The following RARB variants were observed in gnomAD, a reference collection of about 807,000 sequenced individuals.
RARB encodes the protein HBV-activated protein.
Under a neutral mutation model 51.9 loss-of-function variants are expected in RARB, and 17 were observed. The ratio of observed to expected loss-of-function variants is 0.33; its 90% CI spans 0.22 to 0.49. The LOEUF is 0.49. RARB is among the 20% of genes least tolerant of loss of function. RARB has a pLI of 0.99. For missense variants in RARB, 369 were observed against 550.8 expected, an observed-to-expected ratio of 0.67 and a Z score of 3.30; for synonymous variants, 215 against 195.4, an observed-to-expected ratio of 1.10 and a Z score of -0.84.
At chr3:24,881,383 G>A (rs1423024102) in intron 2 of RARB, among the ~76,000 whole-genome samples, 1 of 152,138 alleles carries the variant, frequency 6.6e-6, no homozygotes, top group East Asian at 1.9e-4. Context: ...AATTAGCCTG[G>A]GGAGTCCAAG....
intron 5 of RARB, among the ~76,000 whole-genome samples, chr3:25,281,197 G>T (rs1004287351): frequency 6.6e-6 from 1 of 152,158 alleles, no homozygotes; most frequent in South Asian, 2.1e-4. Context: ...GAAAGTTAAG[G>T]CAAGCAAGAA....
intron 5 of RARB, among the ~76,000 whole-genome samples, chr3:25,205,894 C>T (rs1701531230): frequency 6.6e-6 from 1 of 152,066 alleles, no homozygotes; most frequent in African/African-American, 2.4e-5. Flanking sequence ...CAGGCATGAG[C>T]CATCATGCCC....
chr3:24,889,098 G>T (rs144042825), intron 2 of RARB, among the ~76,000 whole-genome samples: 1 of 152,142 alleles, frequency 6.6e-6, no homozygotes, highest in Non-Finnish European at 1.5e-5. Flanking sequence ...TCCCCTGTGA[G>T]GACTCACTAC....
At chr3:24,867,590 C>A (rs893724672) in intron 2 of RARB, among the ~76,000 whole-genome samples, 2 of 152,152 alleles carry the variant, frequency 1.3e-5, no homozygotes, top group African/African-American at 2.4e-5. Context: ...AATTACTTAC[C>A]CTTCTGTAGG....
At chr3:25,404,749 G>A (rs1038936468) in intron 5 of RARB, among the ~76,000 whole-genome samples, 1 of 152,184 alleles carries the variant, frequency 6.6e-6, no homozygotes, top group African/African-American at 2.4e-5. Context: ...GATGTAGTTA[G>A]ACTCACATTG....
chr3:25,174,860 A>G (rs887800006), intron 5 of RARB, among the ~76,000 whole-genome samples: 5 of 152,250 alleles, frequency 3.3e-5, no homozygotes, highest in African/African-American at 1.2e-4. Context: ...TCTGTGATCA[A>G]TATCTAAAGA....
chr3:24,893,404 T>A (rs1181145487), intron 2 of RARB, among the ~76,000 whole-genome samples: 1 of 152,146 alleles, frequency 6.6e-6, no homozygotes, highest in Non-Finnish European at 1.5e-5. Context: ...CAGCTTTAAT[T>A]TTTTTTTGCC....
At chr3:25,091,736 T>G (rs1699203030) in intron 3 of RARB, among the ~76,000 whole-genome samples, 1 of 152,102 alleles carries the variant, frequency 6.6e-6, no homozygotes, top group Non-Finnish European at 1.5e-5. Context: ...AATGTGAACA[T>G]CTGTATAAAA....
At chr3:25,289,297 A>G (rs1575286533) in intron 5 of RARB, among the ~76,000 whole-genome samples, 1 of 152,206 alleles carries the variant, frequency 6.6e-6, no homozygotes, top group East Asian at 1.9e-4. Flanking sequence ...TAAAGCACTG[A>G]GCACAATGGT....
chr3:25,530,189 G>T (rs1300060834), intron 3 of RARB, among the ~76,000 whole-genome samples: 4 of 152,188 alleles, frequency 2.6e-5, no homozygotes, highest in Non-Finnish European at 2.9e-5. Context: ...AGTTCAGAAG[G>T]ACTTGTGAAG....
chr3:25,103,949 C>G (rs1699451805), intron 3 of RARB, among the ~76,000 whole-genome samples: 1 of 152,136 alleles, frequency 6.6e-6, no homozygotes, highest in African/African-American at 2.4e-5. Context: ...GATTCTGAAG[C>G]TGAATCCAGA....
chr3:25,337,055 A>G (rs1705084176), intron 5 of RARB, among the ~76,000 whole-genome samples: 1 of 152,230 alleles, frequency 6.6e-6, no homozygotes, highest in Admixed American at 6.6e-5. Flanking sequence ...TAGTAGAGCT[A>G]AACTCCATTA....
intron 1 of RARB, among the ~76,000 whole-genome samples, chr3:24,857,542 T>C (rs1488614377): frequency 6.6e-6 from 1 of 152,220 alleles, no homozygotes; most frequent in Non-Finnish European, 1.5e-5. Context: ...TATTTGCTCT[T>C]TACCTGAAAT....
intron 5 of RARB, among the ~76,000 whole-genome samples, chr3:25,296,041 G>A (rs775676085): frequency 1.5e-4 from 23 of 152,156 alleles, no homozygotes; most frequent in Non-Finnish European, 2.9e-4. Flanking sequence ...TAGAGACTTA[G>A]GATCTAGTTG....
At chr3:24,968,095 G>A (rs1398562844) in intron 2 of RARB, among the ~76,000 whole-genome samples, 2 of 152,104 alleles carry the variant, frequency 1.3e-5, no homozygotes, top group African/African-American at 2.4e-5. Flanking sequence ...AGCTGTGTTT[G>A]GAGCATCAGC....
In RARB at chr3:25,243,163, C is replaced by G. The variant is rs569319556; in HGVS notation, c.178+68588C>G. On this transcript the variant is annotated intron_variant, in intron 5 of 11. Coordinates refer to the RARB transcript ENST00000383772. ...TGATTTTTGCAGATCGATTTTTTAT[C>G]CTGAGACTTTGCTGAAGTTACTTAT... Among the ~76,000 whole-genome samples, 28 of 152,170 alleles carry G rather than the reference C, an allele frequency of 1.8e-4. No homozygotes were observed. In the East Asian group the frequency reaches 3.9e-3, roughly 21 times the overall value.
intron 2 of RARB, among the ~76,000 whole-genome samples, chr3:24,977,717 C>T (rs1334740672): frequency 1.3e-5 from 2 of 152,162 alleles, no homozygotes; most frequent in African/African-American, 4.8e-5. Context: ...AATTTGACTT[C>T]CTCTTTTCCT....
chr3:25,025,544 A>G (rs771171790), intron 2 of RARB, among the ~76,000 whole-genome samples: 33 of 152,290 alleles, frequency 2.2e-4, no homozygotes, highest in Middle Eastern at 3.4e-3. Flanking sequence ...TAAAGTAGAA[A>G]CTATAAGTTA....
At chr3:25,145,907 C>G (rs1417081287) in intron 4 of RARB, among the ~76,000 whole-genome samples, 2 of 151,960 alleles carry the variant, frequency 1.3e-5, no homozygotes, top group African/African-American at 4.8e-5. Flanking sequence ...GAGGCTGAGG[C>G]AGGAGAATCA....
Sources: allele counts gnomAD v4.1 joint callset (sites outside exome capture counted in the v4.1 genomes callset), GRCh38; gene constraint gnomAD v4.1.1; transcripts MANE v1.5; gene names NCBI Gene and HGNC (gene_info 2026-07-23, HGNC 2026-07-21).